Variants in PES1 observed in about 807,000 individuals in gnomAD.
PES1 encodes the protein pescadillo ribosomal biogenesis factor 1.
A neutral mutation model predicts 77.1 loss-of-function variants in PES1; 31 were observed. The observed-to-expected ratio is 0.40, with a 90% CI of 0.30 to 0.54. The LOEUF is 0.54. PES1 is among the 20% of genes least tolerant of loss of function. The pLI, the probability that PES1 is intolerant of heterozygous loss-of-function variation, is 0.45. For missense variants in PES1, 658 were observed against 771.7 expected (o/e 0.85, Z 1.75); for synonymous variants, 282 against 303.0 (o/e 0.93, Z 0.72).
At position 30,578,888 on chromosome 22, in the gene PES1, C is replaced by T; in HGVS notation, c.1632G>A (p.Glu544=). 6.2e-7 allele frequency: 1 copy of T among 1,613,034 alleles called. No individual in the cohort carries two copies. Among genetic ancestry groups the T allele is most frequent in the Non-Finnish European group, 8.5e-7 (1 of 1,180,022 alleles). ...ACATGATCTTCTGGTACAGGTACTT[C>T]TCCCGCTTCTTCATCATCATAATGG... The part of the protein sequence containing the change: ...RLAIMMMKKR[E]KYLYQKIMFG... The change falls in exon 14 of 15, where the codon GAG becomes GAA. Residue 544 remains glutamate (E), a synonymous_variant. Transcript: ENST00000354694.
At position 30,588,126 on chromosome 22, in the gene PES1, C is replaced by T. The variant is rs1253729676; in HGVS notation, c.153G>A (p.Lys51=). Residue 51 remains lysine (K), a synonymous_variant, in exon 3 of 15, where the codon AAG becomes AAA. Transcript: ENST00000354694. ...KGIYPHEPKH[K]KKVNKGSTAA... ...CTGTAGAACCCTTGTTAACCTTCTT[C>T]TTGTGTTTGGGTTCATGGGGATAAA... 6.2e-7 allele frequency: 1 copy of T among 1,614,198 alleles called. No homozygotes were observed. Among genetic ancestry groups the T allele is most frequent in the East Asian group, 2.2e-5 (1 of 44,880 alleles).
At chr22:30,599,222 A>C (rs939365887) in intron 2 of PES1, among the ~76,000 whole-genome samples, 2 of 152,134 alleles carry the variant, frequency 1.3e-5, no homozygotes, top group African/African-American at 4.8e-5. Flanking sequence ...TTTAATAAAT[A>C]AACTGGTTTT....
rs1001388927 is a variant in PES1, at chr22:30,596,961, GC to G, written c.-660-4564del. Among the ~76,000 whole-genome samples, 131 of 151,342 alleles carry G rather than the reference GC, an allele frequency of 8.7e-4. 1 individual carries two copies. The highest frequency in any genetic ancestry group is 2.4e-3 in the Admixed American group (37 of 15,104). On this transcript the variant is annotated intron_variant, in intron 2 of 16. Transcript: ENST00000402281. ...GGCGGGCCCGCACTCGGAGAAGCCA[GC>G]CGGCCGGCCCCGCTGGCCACGGGCA... is the stretch of plus-strand genomic sequence containing the variant.
chr22:30,602,296 A>C lies in PES1; in HGVS notation c.-661+3165T>G, dbSNP rs148058421. ...TCTCTCTACTGCCACCTTGTGAAGA[A>C]GGTGCTTGCTTCCCCTTTGCTTTCT... is the stretch of plus-strand genomic sequence containing the variant. On this transcript the variant is annotated intron_variant, in intron 2 of 16. Coordinates refer to the PES1 transcript ENST00000402281. 5.0e-3 allele frequency among the ~76,000 whole-genome samples: 754 copies of C among 152,248 alleles called. 8 individuals carry two copies. The highest frequency in any genetic ancestry group is 0.017 in the African/African-American group (695 of 41,532).
At chr22:30,577,238 C>A in intron 14 of PES1, 109 bp from the exon 15 acceptor site, 2 of 907,620 alleles carry the variant, frequency 2.2e-6, no homozygotes, top group South Asian at 2.9e-5. Flanking sequence ...GAAAAGGTCA[C>A]AAATTCTCAC....
At chr22:30,588,376 G>C (rs775435196) in intron 2 of PES1, among the ~76,000 whole-genome samples, 2 of 152,090 alleles carry the variant, frequency 1.3e-5, no homozygotes, top group Non-Finnish European at 2.9e-5. Flanking sequence ...AGTTAAGAAA[G>C]GCCTTTCTGA....
upstream of PES1, chr22:30,592,299 C>A (rs528015246): frequency 1.2e-5 from 12 of 992,818 alleles, no homozygotes; most frequent in South Asian, 3.2e-4. Context: ...CGTCAGACTT[C>A]GGCTGCCGCT....
intron 2 of PES1, chr22:30,605,348 C>A: frequency 2.3e-6 from 1 of 435,632 alleles, no homozygotes; most frequent in Non-Finnish European, 3.1e-6. Context: ...CCCCCACCCT[C>A]TAGCACTGAG....
chr22:30,581,091 G>A lies in PES1; in HGVS notation c.833C>T (p.Ala278Val). ...CACGCGGGCCAGGCTGGCACTGAGG[G>A]CTGCCAGTTTCTACAGGAGAGAAGG... ...DSESCMEKLA[A>V]LSASLARVVV... Residue 278 changes from alanine to valine, a missense_variant, in exon 9 of 15, where the codon GCC becomes GTC. Transcript: ENST00000354694. 1 of 1,607,686 alleles carries A rather than the reference G, an allele frequency of 6.2e-7. No individual in the cohort carries two copies. Among genetic ancestry groups the A allele is most frequent in the Non-Finnish European group, 8.5e-7 (1 of 1,177,702 alleles).
rs1246822172 is a variant in PES1 at position 30,588,034 on chromosome 22, A to C, written c.245T>G (p.Phe82Cys). 1 of 1,613,924 alleles carries C rather than the reference A, an allele frequency of 6.2e-7. No homozygotes were observed. The highest frequency in any genetic ancestry group is 2.2e-5 in the East Asian group (1 of 44,884). The stretch of plus-strand genomic sequence containing the variant: ...CCCAGACCTCACCTTGTATTCACGG[A>C]ACTTGTTGACAATGGGTTCGTGGAG... ...FLLHEPIVNK[F>C]REYKVFVRKL... Residue 82 changes from phenylalanine (F) to cysteine (C), a missense_variant, in exon 3 of 15, where the codon TTC becomes TGC. Physicochemically the swap from Phe to Cys is radical, Grantham distance 205 (BLOSUM62 -2). Coordinates refer to ENST00000354694, the MANE Select transcript of PES1 (RefSeq NM_014303.4).
intron 2 of PES1, among the ~76,000 whole-genome samples, chr22:30,597,726 C>T (rs527559586): frequency 8.6e-5 from 13 of 151,996 alleles, no homozygotes; most frequent in East Asian, 3.9e-4. Context: ...CCTGTCAAAA[C>T]GGACCAATCA....
In PES1 at chr22:30,587,346, G is replaced by A. The variant is rs202241832; in HGVS notation, c.308C>T (p.Thr103Ile). The change falls in exon 4 of 15, where the codon ACT becomes ATT. Residue 103 changes from threonine (T) to isoleucine (I), a missense_variant. Thr to Ile is a moderately conservative substitution (Grantham distance 89). Transcript: ENST00000354694. Reference sequence around the variant, plus strand: ...CTTATTGTCCTTTAAACGCTCTACAGTGTTCCACTCGCTCTTCCCATAAGC... The same window carrying A: ...CTTATTGTCCTTTAAACGCTCTACAATGTTCCACTCGCTCTTCCCATAAGC... ...RKAYGKSEWN[T>I]VERLKDNKPN... 1.2e-6 allele frequency: 2 copies of A among 1,613,994 alleles called. No homozygotes were observed. The highest frequency in any genetic ancestry group is 3.3e-5 in the Admixed American group (2 of 60,010).
intron 2 of PES1, among the ~76,000 whole-genome samples, chr22:30,605,218 C>G (rs979911110): frequency 1.1e-4 from 17 of 152,294 alleles, no homozygotes; most frequent in Admixed American, 3.9e-4. Context: ...CTAGACTGGT[C>G]TCAAACTTGT....
chr22:30,597,853 C>G (rs115692194), intron 2 of PES1, among the ~76,000 whole-genome samples: 8 of 143,764 alleles, frequency 5.6e-5, no homozygotes, highest in African/African-American at 1.3e-4. Flanking sequence ...GTAACTCGCT[C>G]GGTTTTTTTT....
chr22:30,576,951 G>A lies in PES1; in HGVS notation c.*95C>T. On this transcript the variant is annotated 3_prime_UTR_variant, in exon 15 of 15. Coordinates refer to ENST00000354694, the MANE Select transcript of PES1 (RefSeq NM_014303.4). ...CTGGCTGGAGAAAGGAGGAGGAGAA[G>A]TGACTCTGGTCCATCACACTTAGGT... 3 of 1,007,824 alleles carry A rather than the reference G, an allele frequency of 3.0e-6. No homozygotes were observed. Among genetic ancestry groups the A allele is most frequent in the Non-Finnish European group, 3.2e-6 (2 of 634,174 alleles). The allele number at this position is 1,007,824 out of a possible 1,614,324, so 62.4% of individuals were successfully genotyped here.
At chr22:30,600,089 TG>T (rs2087331647) in intron 2 of PES1, among the ~76,000 whole-genome samples, 1 of 152,154 alleles carries the variant, frequency 6.6e-6, no homozygotes, top group South Asian at 2.1e-4. Flanking sequence ...CCCAGCACTT[TG>T]GGAGGCAGAG....
At chr22:30,592,187 G>C, upstream of PES1, 1 of 1,080,894 alleles carries the variant, frequency 9.3e-7, no homozygotes. Flanking sequence ...GGAGAGGGGC[G>C]GAAGGCTTAG....
Position 30,581,427 on chromosome 22 carries a change from G to C in PES1, c.748-19C>G, listed in dbSNP as rs773789401. ...CCTCGAGCTAGTAGGCAAAGGGAAGGTCAGGAGGCAGAGGACAGCCACAGC... is the reference window on the plus strand; with the variant it reads ...CCTCGAGCTAGTAGGCAAAGGGAAGCTCAGGAGGCAGAGGACAGCCACAGC... On this transcript the variant is annotated intron_variant, in intron 7 of 14. Transcript: ENST00000354694. The C allele has an allele frequency of 2.5e-6, 4 of 1,613,192 alleles. No individual in the cohort carries two copies. In the South Asian group the frequency reaches 3.3e-5, roughly 13 times the overall value.
rs867826381 is a variant in PES1 at position 30,591,816 on chromosome 22, C to T, written c.18G>A (p.Lys6=). The T allele has an allele frequency of 6.4e-6, 10 of 1,564,554 alleles. No homozygotes were observed. Among genetic ancestry groups the T allele is most frequent in the South Asian group, 3.5e-5 (3 of 84,918 alleles). Residue 6 remains lysine (K), a synonymous_variant, in exon 1 of 15, where the codon AAG becomes AAA. Transcript: ENST00000354694. ...CACCGTCTTTCCCAATCACCTTCTTCTTCTCAAGGCCTCCCATCGCTCCAC... is the reference window on the plus strand; with the variant it reads ...CACCGTCTTTCCCAATCACCTTCTTTTTCTCAAGGCCTCCCATCGCTCCAC... MGGLE[K]KKYERGSATN... is the part of the protein sequence containing the mutation.
Sources: allele counts gnomAD v4.1 joint callset (sites outside exome capture counted in the v4.1 genomes callset), GRCh38; gene constraint gnomAD v4.1.1; transcripts MANE v1.5; gene names NCBI Gene and HGNC (gene_info 2026-07-23, HGNC 2026-07-21).